The following ANXA7 variants were observed in gnomAD, a reference collection of about 807,000 sequenced individuals.
The protein encoded by ANXA7 is annexin A7.
A neutral mutation model predicts 64.9 loss-of-function variants in ANXA7; 55 were observed. The ratio of observed to expected loss-of-function variants is 0.85; its 90% CI spans 0.68 to 1.06. ANXA7 has a LOEUF of 1.06. Ranked by LOEUF, ANXA7 falls within the 50% of genes least tolerant of loss-of-function variation. The pLI is 0.00. For missense variants in ANXA7, 548 were observed against 582.1 expected, an observed-to-expected ratio of 0.94 and a Z score of 0.60; for synonymous variants, 200 against 192.4, an observed-to-expected ratio of 1.04 and a Z score of -0.33.
intron 5 of ANXA7, among the ~76,000 whole-genome samples, chr10:73,395,655 G>A (rs7096701): frequency 9.9e-4 from 150 of 152,056 alleles, no homozygotes; most frequent in African/African-American, 3.4e-3. Context: ...GTGTAGTGGC[G>A]TGCGCCTGTA....
Position 73,388,354 on chromosome 10 carries a change from T to C in ANXA7, c.496A>G (p.Ile166Val), listed in dbSNP as rs201159529. ...TIRPAANFDA[I>V]RDAEILRKAM... ...TTACGAAGAATTTCTGCATCTCTTA[T>C]AGCATCGAAGTTGGCAGCTGGTCGG... The change falls in exon 6 of 13, where the codon ATA becomes GTA. Residue 166 changes from isoleucine (I) to valine (V), a missense_variant. Transcript: ENST00000372921. 77 of 1,614,106 alleles carry C rather than the reference T, an allele frequency of 4.8e-5. No homozygotes were observed. The highest frequency in any genetic ancestry group is 2.9e-4 in the East Asian group (13 of 44,880).
At position 73,376,216 on chromosome 10, in the gene ANXA7, A is replaced by G; in HGVS notation, c.1280T>C (p.Ile427Thr). The stretch of plus-strand genomic sequence containing the variant: ...CATCTGTTTTATTTGTACAAGGTCA[A>G]TCTGCATAAGAAATAATATTTCTGT... ...LVRIVVTRSE[I>T]DLVQIKQMFA... The change falls in exon 13 of 13, where the codon ATT (isoleucine) becomes ACT (threonine). Residue 427 changes from isoleucine to threonine, a missense_variant and splice_region_variant. By Grantham distance (89) the Ile-to-Thr change is moderately conservative (BLOSUM62 -1). Transcript: ENST00000372921. 1 of 1,565,898 alleles carries G rather than the reference A, an allele frequency of 6.4e-7. No homozygotes were observed. The highest frequency in any genetic ancestry group is 8.6e-7 in the Non-Finnish European group (1 of 1,161,308).
At chr10:73,413,298 G>T (rs1037489257) in intron 1 of ANXA7, among the ~76,000 whole-genome samples, 5 of 152,166 alleles carry the variant, frequency 3.3e-5, no homozygotes, top group Admixed American at 1.3e-4. Context: ...GACACATTTA[G>T]CAGATTAGCT....
At chr10:73,399,796 T>C (rs1163235752) in intron 2 of ANXA7, among the ~76,000 whole-genome samples, 2 of 151,484 alleles carry the variant, frequency 1.3e-5, no homozygotes, top group Non-Finnish European at 2.9e-5. Flanking sequence ...CACTCTAGCC[T>C]GGTGACAGAG....
rs990531509 is a variant in ANXA7, at chr10:73,380,326, C to T, written c.919-125G>A. The T allele has an allele frequency of 5.4e-6, 5 of 926,940 alleles. No individual in the cohort carries two copies. In the African/African-American group the frequency reaches 6.7e-5, roughly 12 times the overall value. The allele number at this position is 926,940 out of a possible 1,614,324, so 57.4% of individuals were successfully genotyped here. A position where few individuals can be genotyped will look rare whatever the true frequency, so the allele number is the denominator to read the frequency against. On this transcript the variant is annotated intron_variant, in intron 9 of 12. Transcript: ENST00000372921. ...CTTTTTTTTTTGAGATAGGGTCTTG[C>T]TCTGTCACTCAGGCTGGAGTGCAGT...
chr10:73,382,391 G>A (rs1379087387), intron 9 of ANXA7, among the ~76,000 whole-genome samples: 1 of 151,860 alleles, frequency 6.6e-6, no homozygotes, highest in African/African-American at 2.4e-5. Context: ...TGCCCAGGCT[G>A]GAATGCAGTG....
intron 1 of ANXA7, among the ~76,000 whole-genome samples, chr10:73,406,187 C>G (rs1564534511): frequency 6.6e-6 from 1 of 152,138 alleles, no homozygotes; most frequent in Non-Finnish European, 1.5e-5. Context: ...AACTCCTGAC[C>G]TCAGGTGATC....
Position 73,408,413 on chromosome 10 carries a change from A to G in ANXA7, c.-2+5599T>C, listed in dbSNP as rs540449852. 3.3e-5 allele frequency: 5 copies of G among 152,258 alleles called. No individual in the cohort carries two copies. The South Asian group carries it at 1.0e-3, about 32-fold the overall frequency. The allele number at this position is 152,258 out of a possible 1,614,324, so 9.4% of individuals were successfully genotyped here. A position where few individuals can be genotyped will look rare whatever the true frequency, so the allele number is the denominator to read the frequency against. Reference sequence around the variant, plus strand: ...TAAAGGAAAAAAAAATCTGAAAATAATTTATGAGATAAATTAATAGTAATT... The same window carrying G: ...TAAAGGAAAAAAAAATCTGAAAATAGTTTATGAGATAAATTAATAGTAATT... On this transcript the variant is annotated intron_variant, in intron 1 of 12. Transcript: ENST00000372921.
chr10:73,379,912 A>G lies in ANXA7; in HGVS notation c.1132T>C (p.Ser378Pro), dbSNP rs1439259229. The G allele has an allele frequency of 6.2e-7, 1 of 1,614,242 alleles. No homozygotes were observed. The highest frequency in any genetic ancestry group is 1.7e-5 in the Admixed American group (1 of 60,024). The change falls in exon 11 of 13, where the codon TCC (serine) becomes CCC (proline). Residue 378 changes from serine (S) to proline (P), a missense_variant. Coordinates refer to ENST00000372921, the MANE Select transcript of ANXA7 (RefSeq NM_001156.5). The part of the protein sequence containing the change: ...DLLSSVSREF[S>P]GYVESGLKTI... The stretch of plus-strand genomic sequence containing the variant: ...TTCAAACCACTTTCTACATATCCGG[A>G]AAACTCACGGCTCACACTGCTTAAC...
intron 5 of ANXA7, among the ~76,000 whole-genome samples, chr10:73,389,703 G>A (rs2055437849): frequency 6.6e-6 from 1 of 152,182 alleles, no homozygotes; most frequent in Non-Finnish European, 1.5e-5. Context: ...ATAGCTCACA[G>A]TAACCTTGAA....
intron 7 of ANXA7, among the ~76,000 whole-genome samples, chr10:73,384,642 A>G (rs552220601): frequency 3.4e-4 from 52 of 152,066 alleles, no homozygotes; most frequent in Admixed American, 3.0e-3. Flanking sequence ...CCCAAGTGAT[A>G]CACCCGCCTT....
chr10:73,413,509 T>C (rs1324397890), intron 1 of ANXA7, among the ~76,000 whole-genome samples: 1 of 152,192 alleles, frequency 6.6e-6, no homozygotes, highest in African/African-American at 2.4e-5. Context: ...TATTCTAGAA[T>C]AGCTTCCAAG....
chr10:73,413,457 G>C (rs79724519), intron 1 of ANXA7, among the ~76,000 whole-genome samples: 7,078 of 152,252 alleles, frequency 0.046, 499 homozygotes, highest in African/African-American at 0.15. Context: ...TTTCAACACA[G>C]ATTTGCTGCT....
At chr10:73,396,210 T>TTACCAGC in intron 5 of ANXA7, 6 of 758,526 alleles carry the variant, frequency 7.9e-6, no homozygotes, top group Non-Finnish European at 1.4e-5. Flanking sequence ...CCCAAATTCA[T>TTACCAGC]AGGTGTAACT....
At chr10:73,391,721 CA>C (rs2055486464) in intron 5 of ANXA7, among the ~76,000 whole-genome samples, 1 of 152,138 alleles carries the variant, frequency 6.6e-6, no homozygotes, top group South Asian at 2.1e-4. Context: ...CCATCTAAGA[CA>C]AAAATTTTTT....
At chr10:73,394,173 A>G (rs1295690405) in intron 5 of ANXA7, among the ~76,000 whole-genome samples, 9 of 152,178 alleles carry the variant, frequency 5.9e-5, no homozygotes, top group Admixed American at 2.6e-4. Flanking sequence ...ATCATCTCAC[A>G]CCAGTTAGAA....
At chr10:73,381,369 A>C (rs2055272266) in intron 9 of ANXA7, 1 of 152,218 alleles carries the variant, frequency 6.6e-6, no homozygotes, top group Admixed American at 6.5e-5. Context: ...AGGAAGGAAG[A>C]GTTTAAGCTT....
chr10:73,396,536 G>A lies in ANXA7; in HGVS notation c.418C>T (p.Pro140Ser), dbSNP rs1036013668. 6.2e-7 allele frequency: 1 copy of A among 1,610,596 alleles called. No individual in the cohort carries two copies. The highest frequency in any genetic ancestry group is 1.3e-5 in the African/African-American group (1 of 74,780). The change falls in exon 5 of 13, where the codon CCT becomes TCT. Residue 140 changes from proline to serine, a missense_variant. Coordinates refer to ENST00000372921, the MANE Select transcript of ANXA7 (RefSeq NM_001156.5). Reference sequence around the variant, plus strand: ...CAAAATACCTGACTAGGGTAAGTAGGTTGTCCTCCAGGATACTGAGAAGGC... The same window carrying A: ...CAAAATACCTGACTAGGGTAAGTAGATTGTCCTCCAGGATACTGAGAAGGC... ...QMPSQYPGGQ[P>S]TYPSQPATVT...
At chr10:73,393,459 T>C (rs977907048) in intron 5 of ANXA7, among the ~76,000 whole-genome samples, 37 of 152,158 alleles carry the variant, frequency 2.4e-4, no homozygotes, top group Non-Finnish European at 1.0e-4. Context: ...CTTTAAACTA[T>C]ACTACAAGGC....
Sources: gnomAD v4.1 joint callset for allele counts (sites outside exome capture counted in the v4.1 genomes callset) on GRCh38, gnomAD v4.1.1 for gene constraint, MANE v1.5 for transcripts, NCBI Gene and HGNC (gene_info 2026-07-23, HGNC 2026-07-21) for gene names.